The following SRPK2 variants were observed in gnomAD, a reference collection of about 807,000 sequenced individuals.
SRPK2 encodes the protein SRSF protein kinase 2.
A neutral mutation model predicts 90.8 loss-of-function variants in SRPK2; 21 were observed. That is an observed-to-expected ratio of 0.23 (90% CI 0.16 to 0.33). The LOEUF (loss-of-function observed/expected upper bound fraction) is 0.33. SRPK2 is among the 10% of genes least tolerant of loss of function. SRPK2 has a pLI of 1.00. For synonymous variants in SRPK2, 288 were observed against 311.1 expected (o/e 0.93, Z 0.78); for missense variants, 620 against 869.0 (o/e 0.71, Z 3.60).
At chr7:105,323,999 G>A (rs867091267) in intron 2 of SRPK2, among the ~76,000 whole-genome samples, 24 of 147,762 alleles carry the variant, frequency 1.6e-4, no homozygotes, top group South Asian at 4.2e-4. Context: ...GTGTGTGTGT[G>A]TGTGTGTGTG....
chr7:105,177,037 T>C (rs1792055770), intron 3 of SRPK2, among the ~76,000 whole-genome samples: 1 of 152,202 alleles, frequency 6.6e-6, no homozygotes, highest in Non-Finnish European at 1.5e-5. Context: ...TCCGTATACA[T>C]GTTAATACCT....
chr7:105,296,188 T>C (rs1407060134), intron 2 of SRPK2, among the ~76,000 whole-genome samples: 2 of 152,202 alleles, frequency 1.3e-5, no homozygotes, highest in African/African-American at 2.4e-5. Flanking sequence ...CAAAATACTC[T>C]TCACAAAAAC....
At chr7:105,386,000 AAGG>A (rs917152163) in intron 2 of SRPK2, among the ~76,000 whole-genome samples, 1 of 152,148 alleles carries the variant, frequency 6.6e-6, no homozygotes, top group Admixed American at 6.6e-5. Flanking sequence ...TTAGCTTTGC[AAGG>A]AGCTTTGTCT....
At chr7:105,274,894 CTT>C (rs111932733) in intron 2 of SRPK2, among the ~76,000 whole-genome samples, 47 of 147,692 alleles carry the variant, frequency 3.2e-4, no homozygotes, top group African/African-American at 5.0e-4. Context: ...CAGTGATTGG[CTT>C]TTTTTTTTTT....
At chr7:105,277,674 G>C (rs1806701303) in intron 2 of SRPK2, among the ~76,000 whole-genome samples, 1 of 152,150 alleles carries the variant, frequency 6.6e-6, no homozygotes, top group African/African-American at 2.4e-5. Context: ...AGAATTCACA[G>C]AAAAGCAGAA....
At chr7:105,158,253 A>G (rs1051134591) in intron 7 of SRPK2, among the ~76,000 whole-genome samples, 3 of 145,512 alleles carry the variant, frequency 2.1e-5, no homozygotes, top group Admixed American at 6.8e-5. Context: ...CTGTGAATTC[A>G]CCTTTTTTTT....
chr7:105,270,317 T>C (rs1433311342), intron 2 of SRPK2, among the ~76,000 whole-genome samples: 1 of 151,896 alleles, frequency 6.6e-6, no homozygotes, highest in Non-Finnish European at 1.5e-5. Flanking sequence ...GGCGCCACAG[T>C]GAGCCCTCAG....
intron 15 of SRPK2, among the ~76,000 whole-genome samples, chr7:105,118,861 A>G (rs1799930445): frequency 6.6e-6 from 1 of 152,172 alleles, no homozygotes; most frequent in Non-Finnish European, 1.5e-5. Context: ...CAGTGAGTCA[A>G]GGTCATGCCA....
rs1343554099 is a variant in SRPK2, at chr7:105,293,452, T to G, written c.72-89667A>C. Among the ~76,000 whole-genome samples the G allele has an allele frequency of 3.3e-5, 5 of 151,646 alleles. No homozygotes were observed. The East Asian group carries it at 9.7e-4, about 29-fold the overall frequency. ...TAGATACAAATATCATTTCCTTTTTTGTGGGGGGGTGGGAGACAGAGTCTT... is the reference window on the plus strand; with the variant it reads ...TAGATACAAATATCATTTCCTTTTTGGTGGGGGGGTGGGAGACAGAGTCTT... On this transcript the variant is annotated intron_variant, in intron 2 of 15. Transcript: ENST00000393651.
At chr7:105,267,314 A>T (rs1459634639) in intron 2 of SRPK2, among the ~76,000 whole-genome samples, 1 of 152,206 alleles carries the variant, frequency 6.6e-6, no homozygotes, top group East Asian at 1.9e-4. Context: ...ATGATATTCC[A>T]AAAAGCTAAT....
At chr7:105,314,025 C>T (rs1371303074) in intron 2 of SRPK2, among the ~76,000 whole-genome samples, 2 of 152,048 alleles carry the variant, frequency 1.3e-5, no homozygotes, top group African/African-American at 2.4e-5. Context: ...CACAAAAATT[C>T]AATAACATGT....
intron 2 of SRPK2, among the ~76,000 whole-genome samples, chr7:105,300,241 C>T (rs1810364192): frequency 9.3e-6 from 1 of 107,070 alleles, no homozygotes; most frequent in Non-Finnish European, 1.7e-5. Context: ...CAAGAGACAG[C>T]GAGACTCCAT....
chr7:105,126,841 A>T, intron 14 of SRPK2, 152 bp downstream of exon 14: 1 of 738,046 alleles, frequency 1.4e-6, no homozygotes, highest in Non-Finnish European at 2.3e-6. Flanking sequence ...ACTGAGACTG[A>T]GGGGGCATCA....
intron 14 of SRPK2, among the ~76,000 whole-genome samples, 199 bp downstream of exon 14, chr7:105,126,794 T>A (rs566519938): frequency 3.3e-5 from 5 of 152,188 alleles, no homozygotes; most frequent in African/African-American, 1.2e-4. Flanking sequence ...GAGGGCTCGC[T>A]GGAGTGCTGC....
rs558735564 is a variant in SRPK2, at chr7:105,316,052, T to G, written c.71+72596A>C. On this transcript the variant is annotated intron_variant, in intron 2 of 15. Coordinates refer to ENST00000393651, the MANE Select transcript of SRPK2 (RefSeq NM_182692.3). Reference sequence around the variant, plus strand: ...TTTTTTTTTTTTTTTGAGACTGAGTTTCGCTCTTGTCACCCAGCCTGGAGT... The same window carrying G: ...TTTTTTTTTTTTTTTGAGACTGAGTGTCGCTCTTGTCACCCAGCCTGGAGT... Among the ~76,000 whole-genome samples, 133 of 150,648 alleles carry G rather than the reference T, an allele frequency of 8.8e-4. 3 individuals carry two copies. Among genetic ancestry groups the G allele is most frequent in the African/African-American group, 3.1e-3 (128 of 41,042 alleles).
intron 2 of SRPK2, among the ~76,000 whole-genome samples, chr7:105,261,761 G>C (rs1456829530): frequency 6.6e-6 from 1 of 152,186 alleles, no homozygotes; most frequent in South Asian, 2.1e-4. Context: ...ATAAGGTGGG[G>C]TTAACAGTGA....
chr7:105,166,183 C>T (rs1790035634), intron 6 of SRPK2, among the ~76,000 whole-genome samples: 1 of 152,196 alleles, frequency 6.6e-6, no homozygotes, highest in Admixed American at 6.5e-5. Context: ...CTCTGTGGAT[C>T]ATAGTCTAAC....
At chr7:105,222,771 T>C (rs1486361748) in intron 2 of SRPK2, among the ~76,000 whole-genome samples, 2 of 152,204 alleles carry the variant, frequency 1.3e-5, no homozygotes, top group Non-Finnish European at 2.9e-5. Flanking sequence ...AGCCATTTAC[T>C]ATAAAGTTCT....
At chr7:105,322,344 G>C (rs1813030622) in intron 2 of SRPK2, among the ~76,000 whole-genome samples, 1 of 151,570 alleles carries the variant, frequency 6.6e-6, no homozygotes, top group Non-Finnish European at 1.5e-5. Flanking sequence ...TTGAAGCCAA[G>C]AGGTGGAGGC....
Sources: allele counts gnomAD v4.1 joint callset (sites outside exome capture counted in the v4.1 genomes callset), GRCh38; gene constraint gnomAD v4.1.1; transcripts MANE v1.5; gene names NCBI Gene and HGNC (gene_info 2026-07-23, HGNC 2026-07-21).